Variants in SLC25A30 observed in about 807,000 individuals in gnomAD.
SLC25A30 encodes the protein kidney mitochondrial carrier protein 1.
A neutral mutation model predicts 42.7 loss-of-function variants in SLC25A30; 29 were observed. The ratio of observed to expected loss-of-function variants is 0.68; its 90% CI spans 0.51 to 0.93. The LOEUF (loss-of-function observed/expected upper bound fraction) is 0.93, where lower values mean the gene tolerates loss of function less well. Ranked by LOEUF, SLC25A30 falls within the 40% of genes least tolerant of loss-of-function variation. The pLI, the probability that SLC25A30 is intolerant of heterozygous loss-of-function variation, is 0.00. For missense variants in SLC25A30, 300 were observed against 359.7 expected (o/e 0.83, Z 1.34); for synonymous variants, 124 against 131.0 (o/e 0.95, Z 0.37).
At chr13:45,404,511 C>G (rs1882313575) in intron 4 of SLC25A30, 99 bp from the exon 5 acceptor site, 1 of 843,672 alleles carries the variant, frequency 1.2e-6, no homozygotes, top group Non-Finnish European at 2.0e-6. Context: ...ACTTGTTCAC[C>G]TTAAGATGTA....
chr13:45,396,021 G>A lies in SLC25A30; in HGVS notation c.835-6C>T. 1 of 1,614,170 alleles carries A rather than the reference G, an allele frequency of 6.2e-7. No individual in the cohort carries two copies. The highest frequency in any genetic ancestry group is 1.1e-5 in the South Asian group (1 of 91,072). ...TGCTCGTATGTCACAAAGAACTGTG[G>A]TTATGGGTTAAGGATGACACAGAAA... is the stretch of plus-strand genomic sequence containing the variant. On this transcript the variant is annotated splice_polypyrimidine_tract_variant and splice_region_variant and intron_variant, in intron 9 of 9. Transcript: ENST00000519676.
intron 1 of SLC25A30, among the ~76,000 whole-genome samples, chr13:45,414,383 C>T (rs1277552119): frequency 2.0e-5 from 3 of 151,952 alleles, no homozygotes; most frequent in Non-Finnish European, 2.9e-5. Flanking sequence ...TTTGGGAGGC[C>T]GAGGTGGGCG....
At chr13:45,423,821 A>ATTTATATATATAT in the SLC25A30 span, among the ~76,000 whole-genome samples, 361 of 79,176 alleles carry the variant, frequency 4.6e-3, 6 homozygotes, top group Non-Finnish European at 6.5e-3. Flanking sequence ...TAAAAATATA[A>ATTTATATATATAT]ATATATATTT....
chr13:45,425,224 A>T, the SLC25A30 span, among the ~76,000 whole-genome samples: 1 of 103,974 alleles, frequency 9.6e-6, no homozygotes, highest in Non-Finnish European at 1.7e-5. Context: ...ATACGTATGT[A>T]TATAAATATT....
Position 45,411,442 on chromosome 13 carries a change from C to T in SLC25A30, c.-17G>A. ...GGCTGACATTCTCACACTGTCTCTT[C>T]TTTGATTTATAGAAACATTGCCTCC... On this transcript the variant is annotated 5_prime_UTR_variant, in exon 2 of 10. Coordinates refer to ENST00000519676, the MANE Select transcript of SLC25A30 (RefSeq NM_001010875.4). 1 of 1,613,850 alleles carries T rather than the reference C, an allele frequency of 6.2e-7. No individual in the cohort carries two copies. The highest frequency in any genetic ancestry group is 8.5e-7 in the Non-Finnish European group (1 of 1,179,820).
At position 45,402,379 on chromosome 13, in the gene SLC25A30, T is replaced by A. The variant is rs1882079194; in HGVS notation, c.394-9A>T. On this transcript the variant is annotated splice_polypyrimidine_tract_variant and intron_variant, in intron 5 of 9. Coordinates refer to ENST00000519676, the MANE Select transcript of SLC25A30 (RefSeq NM_001010875.4). ...TGCGCTTGCATCCGAATCTAGAGAT[T>A]ATTTTAAAGACCAACATCAGAAAGA... The A allele has an allele frequency of 6.2e-7, 1 of 1,610,014 alleles. No individual in the cohort carries two copies. Among genetic ancestry groups the A allele is most frequent in the East Asian group, 2.2e-5 (1 of 44,852 alleles).
chr13:45,400,033 TACACACACAC>T (rs71184413), intron 7 of SLC25A30, among the ~76,000 whole-genome samples: 71 of 122,924 alleles, frequency 5.8e-4, no homozygotes, highest in Middle Eastern at 4.2e-3. Flanking sequence ...TATATATATA[TACACACACAC>T]ACACACACAC....
chr13:45,424,596 T>G, the SLC25A30 span, among the ~76,000 whole-genome samples: 4,691 of 55,712 alleles, frequency 0.084, 638 homozygotes, highest in African/African-American at 0.22. Context: ...TAAATATATA[T>G]AAATATATAT....
At chr13:45,423,484 G>A in the SLC25A30 span, among the ~76,000 whole-genome samples, 22 of 132,106 alleles carry the variant, frequency 1.7e-4, no homozygotes, top group Admixed American at 6.3e-4. Flanking sequence ...AGCCTGTCTC[G>A]GTATAGCCCC....
chr13:45,425,608 A>ATATAAATATATATATAAG, the SLC25A30 span, among the ~76,000 whole-genome samples: 7 of 64,104 alleles, frequency 1.1e-4, no homozygotes, highest in Admixed American at 3.6e-4. Context: ...ATATATATAT[A>ATATAAATATATATATAAG]CATATATAAA....
At chr13:45,426,932 C>G in the SLC25A30 span, among the ~76,000 whole-genome samples, 1 of 152,126 alleles carries the variant, frequency 6.6e-6, no homozygotes, top group Admixed American at 6.5e-5. Flanking sequence ...ATGGTTAGTA[C>G]TAAAAATATT....
At chr13:45,400,033 TACAC>T (rs71184413) in intron 7 of SLC25A30, among the ~76,000 whole-genome samples, 1,297 of 122,814 alleles carry the variant, frequency 0.011, 33 homozygotes, top group African/African-American at 0.031. Flanking sequence ...TATATATATA[TACAC>T]ACACACACAC....
chr13:45,425,696 A>C, the SLC25A30 span, among the ~76,000 whole-genome samples: 1 of 129,590 alleles, frequency 7.7e-6, no homozygotes, highest in Non-Finnish European at 1.6e-5. Flanking sequence ...ATATATACAC[A>C]CATATATATT....
At chr13:45,400,950 T>G in intron 7 of SLC25A30, 133 bp downstream of exon 7, 1 of 694,366 alleles carries the variant, frequency 1.4e-6, no homozygotes, top group East Asian at 2.8e-5. Context: ...GCTGCCTATG[T>G]AGAGGAATAA....
chr13:45,413,525 C>G (rs1414624804), intron 1 of SLC25A30, among the ~76,000 whole-genome samples: 1 of 151,502 alleles, frequency 6.6e-6, no homozygotes, highest in Non-Finnish European at 1.5e-5. Context: ...AGTTCAAGAC[C>G]AGCCTAGCCA....
upstream of SLC25A30, among the ~76,000 whole-genome samples, chr13:45,421,379 CAAAA>C (rs368665089): frequency 3.6e-5 from 3 of 83,344 alleles, no homozygotes; most frequent in Non-Finnish European, 4.4e-5. Context: ...ACTCCATCTC[CAAAA>C]AAAAAAAAAA....
chr13:45,424,686 G>GAT, the SLC25A30 span, among the ~76,000 whole-genome samples: 2 of 34,118 alleles, frequency 5.9e-5, 1 homozygote, highest in Admixed American at 8.7e-4. Context: ...GTTATATATA[G>GAT]ATATATATAA....
chr13:45,431,162 C>T, the SLC25A30 span, among the ~76,000 whole-genome samples: 3 of 152,076 alleles, frequency 2.0e-5, no homozygotes, highest in Non-Finnish European at 2.9e-5. Flanking sequence ...ATTCTCCTGC[C>T]TCAGCCTCCC....
rs776179377 is a variant in SLC25A30, at chr13:45,405,857, C to G, written c.307+26G>C. On this transcript the variant is annotated intron_variant, in intron 4 of 9. Coordinates refer to ENST00000519676, the MANE Select transcript of SLC25A30 (RefSeq NM_001010875.4). The stretch of plus-strand genomic sequence containing the variant: ...AGACAGACAACCAACCTCCTGTCCA[C>G]AGTGGAAAACAGATTCCCCACTCAC... 3.1e-6 allele frequency: 5 copies of G among 1,605,094 alleles called. No individual in the cohort carries two copies. The South Asian group carries it at 5.5e-5, about 18-fold the overall frequency.
Sources: gnomAD v4.1 joint callset for allele counts (sites outside exome capture counted in the v4.1 genomes callset) on GRCh38, gnomAD v4.1.1 for gene constraint, MANE v1.5 for transcripts, NCBI Gene and HGNC (gene_info 2026-07-23, HGNC 2026-07-21) for gene names.